The following CSMD1 variants were observed in gnomAD, a reference collection of about 807,000 sequenced individuals.
CSMD1 encodes the protein CUB and sushi domain-containing protein 1.
Under a neutral mutation model 417.5 loss-of-function variants are expected in CSMD1, and 213 were observed. The ratio of observed to expected loss-of-function variants is 0.51; its 90% CI spans 0.46 to 0.57. The LOEUF is 0.57. Among genes scored for constraint, CSMD1 ranks in the 20% least tolerant of loss-of-function variants. The pLI, the probability that CSMD1 is intolerant of heterozygous loss-of-function variation, is 0.00. For synonymous variants in CSMD1, 2,862 were observed against 1,736.8 expected, an observed-to-expected ratio of 1.65 and a Z score of -16.11; for missense variants, 6,923 against 4,529.7, an observed-to-expected ratio of 1.53 and a Z score of -15.17.
At chr8:3,539,110 C>T (rs993167186) in intron 10 of CSMD1, among the ~76,000 whole-genome samples, 3 of 152,182 alleles carry the variant, frequency 2.0e-5, no homozygotes, top group East Asian at 1.9e-4. Context: ...TTTCCCTGCA[C>T]CCGCGGATAG....
At chr8:4,987,784 T>C (rs2081928941) in intron 1 of CSMD1, among the ~76,000 whole-genome samples, 1 of 152,304 alleles carries the variant, frequency 6.6e-6, no homozygotes, top group Middle Eastern at 3.4e-3. Context: ...TCATCTTGGC[T>C]AAAAGAAAGC....
intron 2 of CSMD1, among the ~76,000 whole-genome samples, chr8:4,635,464 TAA>T (rs905348788): frequency 2.0e-5 from 3 of 152,118 alleles, no homozygotes. Flanking sequence ...TCAGTCAAAT[TAA>T]GACAGGTTTT....
At chr8:3,547,105 T>G (rs6999512) in intron 10 of CSMD1, among the ~76,000 whole-genome samples, 1 of 151,856 alleles carries the variant, frequency 6.6e-6, no homozygotes, top group African/African-American at 2.4e-5. Context: ...GGGCTACAGG[T>G]TGGCCAACCC....
At chr8:3,691,298 C>T (rs180812627) in intron 7 of CSMD1, among the ~76,000 whole-genome samples, 151 of 151,442 alleles carry the variant, frequency 1.0e-3, no homozygotes, top group Non-Finnish European at 7.1e-4. Flanking sequence ...CCCTGGGAGG[C>T]GGAGGTTGCA....
chr8:3,318,900 G>A (rs997702042), intron 23 of CSMD1, among the ~76,000 whole-genome samples: 6 of 152,216 alleles, frequency 3.9e-5, no homozygotes, highest in African/African-American at 1.4e-4. Flanking sequence ...CACAGGTCAT[G>A]CTTGATGGCA....
chr8:4,780,619 A>G (rs962737072), intron 1 of CSMD1, among the ~76,000 whole-genome samples: 1 of 152,162 alleles, frequency 6.6e-6, no homozygotes, highest in Non-Finnish European at 1.5e-5. Flanking sequence ...ATTTGGTTAC[A>G]TGAACAAGTT....
At chr8:3,571,756 G>A (rs10217004) in intron 10 of CSMD1, among the ~76,000 whole-genome samples, 2 of 3,462 alleles carry the variant, frequency 5.8e-4, no homozygotes, top group Admixed American at 5.2e-3. Flanking sequence ...CTAAGTCTCC[G>A]TCTGGGGCAA....
chr8:4,407,768 A>G (rs1796402574), intron 3 of CSMD1, among the ~76,000 whole-genome samples: 1 of 152,208 alleles, frequency 6.6e-6, no homozygotes, highest in Non-Finnish European at 1.5e-5. Context: ...AGTCAAGTAA[A>G]TACAGAAATT....
chr8:3,995,984 C>G (rs1815182794), intron 5 of CSMD1, among the ~76,000 whole-genome samples: 1 of 152,160 alleles, frequency 6.6e-6, no homozygotes, highest in South Asian at 2.1e-4. Flanking sequence ...GTGGTAGTCT[C>G]TCTGGCTATC....
intron 5 of CSMD1, among the ~76,000 whole-genome samples, chr8:3,861,366 G>C (rs371936589): frequency 6.6e-6 from 1 of 152,326 alleles, no homozygotes; most frequent in Admixed American, 6.5e-5. Context: ...AGTAAAATAT[G>C]AGCTGTCTTA....
chr8:4,250,115 C>A lies in CSMD1; in HGVS notation c.415+169838G>T, dbSNP rs75544705. Among the ~76,000 whole-genome samples the A allele has an allele frequency of 5.9e-5, 9 of 152,204 alleles. No individual in the cohort carries two copies. The East Asian group carries it at 1.7e-3, about 29-fold the overall frequency. ...CCATGGGATGACTCAGCAAGAAAGC[C>A]CCTGATCAACTACCAGTGACTTCAT... On this transcript the variant is annotated intron_variant, in intron 3 of 69. Transcript: ENST00000635120.
chr8:4,202,086 G>C (rs1353631776), intron 3 of CSMD1, among the ~76,000 whole-genome samples: 5 of 59,704 alleles, frequency 8.4e-5, no homozygotes, highest in Non-Finnish European at 1.8e-4. Flanking sequence ...CAGTTTAAGA[G>C]TAAATTTTGT....
intron 1 of CSMD1, among the ~76,000 whole-genome samples, chr8:4,730,768 A>G (rs1448607369): frequency 1.3e-5 from 2 of 152,042 alleles, no homozygotes. Context: ...AAAAAAGAAT[A>G]AAGGAAATGA....
intron 1 of CSMD1, among the ~76,000 whole-genome samples, chr8:4,872,966 A>G (rs1802819968): frequency 6.6e-6 from 1 of 152,114 alleles, no homozygotes; most frequent in African/African-American, 2.4e-5. Context: ...TGGCAAACAA[A>G]AATTGTATAT....
chr8:4,692,767 C>G lies in CSMD1; in HGVS notation c.86-55209G>C, dbSNP rs142537538. On this transcript the variant is annotated intron_variant, in intron 1 of 69. Transcript: ENST00000635120. ...CTCACATCATGCCTAATTCTAGTTCCTATTGTTTCTTATACGGGCCCTCCC... is the reference window on the plus strand; with the variant it reads ...CTCACATCATGCCTAATTCTAGTTCGTATTGTTTCTTATACGGGCCCTCCC... Among the ~76,000 whole-genome samples the G allele has an allele frequency of 2.1e-3, 325 of 152,298 alleles. 2 individuals carry two copies. Among genetic ancestry groups the G allele is most frequent in the East Asian group, 0.02 (104 of 5,178 alleles).
intron 25 of CSMD1, among the ~76,000 whole-genome samples, chr8:3,295,580 C>T (rs1202928536): frequency 6.6e-6 from 1 of 152,322 alleles, no homozygotes; most frequent in African/African-American, 2.4e-5. Flanking sequence ...CGTGGTACCG[C>T]ACTGTATATT....
At chr8:4,655,369 G>A (rs1650905947) in intron 1 of CSMD1, among the ~76,000 whole-genome samples, 1 of 151,846 alleles carries the variant, frequency 6.6e-6, no homozygotes, top group Admixed American at 6.6e-5. Context: ...GTGGCTTCCA[G>A]GAGACCAAAC....
intron 37 of CSMD1, among the ~76,000 whole-genome samples, chr8:3,173,843 A>T (rs1820736316): frequency 6.6e-6 from 1 of 152,210 alleles, no homozygotes; most frequent in Admixed American, 6.5e-5. Context: ...TGTATTAATA[A>T]TTTGAATGTG....
chr8:3,075,209 G>C (rs1813569779), intron 49 of CSMD1, among the ~76,000 whole-genome samples: 1 of 151,646 alleles, frequency 6.6e-6, no homozygotes, highest in Non-Finnish European at 1.5e-5. Flanking sequence ...GAAACTGTGA[G>C]CTAATTAAAC....
Sources: gnomAD v4.1 joint callset for allele counts (sites outside exome capture counted in the v4.1 genomes callset) on GRCh38, gnomAD v4.1.1 for gene constraint, MANE v1.5 for transcripts, NCBI Gene and HGNC (gene_info 2026-07-23, HGNC 2026-07-21) for gene names.